The following MYO16 variants were observed in gnomAD, a reference collection of about 807,000 sequenced individuals.
The protein encoded by MYO16 is unconventional myosin-XVI.
A neutral mutation model predicts 205.3 loss-of-function variants in MYO16; 94 were observed. The ratio of observed to expected loss-of-function variants is 0.46; its 90% CI spans 0.39 to 0.54. The LOEUF (loss-of-function observed/expected upper bound fraction) is 0.54, where lower values mean the gene tolerates loss of function less well. Among genes scored for constraint, MYO16 ranks in the 20% least tolerant of loss-of-function variants. The pLI is 0.00. For missense variants in MYO16, 2,315 were observed against 2,387.5 expected (o/e 0.97, Z 0.63); for synonymous variants, 988 against 954.0 (o/e 1.04, Z -0.66).
chr13:109,047,063 A>G, intron 24 of MYO16, 72 bp downstream of exon 24: 2 of 1,155,072 alleles, frequency 1.7e-6, no homozygotes, highest in East Asian at 2.4e-5. Context: ...ATCTCTGAAT[A>G]TTTTCCTAGA....
chr13:108,670,042 T>C, intron 2 of MYO16, among the ~76,000 whole-genome samples: 1 of 152,334 alleles, frequency 6.6e-6, no homozygotes, highest in African/African-American at 2.4e-5. Flanking sequence ...TATACCTATG[T>C]AACAAACGTG....
At chr13:109,142,574 G>A (rs560360885) in intron 32 of MYO16, among the ~76,000 whole-genome samples, 3 of 152,248 alleles carry the variant, frequency 2.0e-5, no homozygotes, top group African/African-American at 7.2e-5. Context: ...ATGGGAAATT[G>A]GCTGTCCGCA....
chr13:108,501,223 T>G, the MYO16 span, among the ~76,000 whole-genome samples: 1 of 152,170 alleles, frequency 6.6e-6, no homozygotes, highest in Non-Finnish European at 1.5e-5. Context: ...GTGTCTGGAT[T>G]GGGTTGGTGT....
chr13:108,671,929 G>A (rs1882006067), intron 2 of MYO16, among the ~76,000 whole-genome samples: 1 of 152,082 alleles, frequency 6.6e-6, no homozygotes, highest in Non-Finnish European at 1.5e-5. Flanking sequence ...ATGAGGGTTA[G>A]GGCTTCTACA....
chr13:108,696,343 C>T (rs1186530624), intron 2 of MYO16, among the ~76,000 whole-genome samples: 1 of 152,052 alleles, frequency 6.6e-6, no homozygotes, highest in Non-Finnish European at 1.5e-5. Context: ...AAATGTCTAC[C>T]AATGGGGAAT....
intron 33 of MYO16, among the ~76,000 whole-genome samples, chr13:109,173,459 A>G (rs1879000510): frequency 6.6e-6 from 1 of 152,208 alleles, no homozygotes; most frequent in Non-Finnish European, 1.5e-5. Context: ...TAATTCAGAA[A>G]AGAAAGGAGC....
At chr13:108,863,267 T>G (rs1027430363) in intron 11 of MYO16, among the ~76,000 whole-genome samples, 19 of 152,116 alleles carry the variant, frequency 1.2e-4, no homozygotes, top group African/African-American at 3.9e-4. Context: ...CCCTATCCAT[T>G]GCCAATCCCA....
At chr13:109,168,657 G>A (rs987765235) in intron 33 of MYO16, among the ~76,000 whole-genome samples, 4 of 152,220 alleles carry the variant, frequency 2.6e-5, no homozygotes, top group South Asian at 2.1e-4. Flanking sequence ...CCCAGGAGGC[G>A]GAGTTTGCAG....
chr13:109,109,116 A>C (rs891858967), intron 28 of MYO16, among the ~76,000 whole-genome samples: 7 of 152,180 alleles, frequency 4.6e-5, no homozygotes, highest in African/African-American at 1.7e-4. Context: ...GGCCCCTAAC[A>C]ACTACTGAAA....
intron 4 of MYO16, among the ~76,000 whole-genome samples, chr13:108,763,280 T>G (rs2139660948): frequency 6.6e-6 from 1 of 152,320 alleles, no homozygotes; most frequent in African/African-American, 2.4e-5. Context: ...TACAAATATT[T>G]TTATGCATGT....
chr13:108,933,689 A>G (rs570344835), intron 16 of MYO16, among the ~76,000 whole-genome samples: 1 of 152,176 alleles, frequency 6.6e-6, no homozygotes, highest in East Asian at 1.9e-4. Flanking sequence ...GGTACGAATG[A>G]TCCCTTTACC....
chr13:108,560,483 C>T, the MYO16 span, among the ~76,000 whole-genome samples: 9 of 152,238 alleles, frequency 5.9e-5, no homozygotes, highest in African/African-American at 1.7e-4. Context: ...TTTGGATATT[C>T]CAGTAAAAGG....
the MYO16 span, among the ~76,000 whole-genome samples, chr13:108,538,716 T>C: frequency 6.6e-6 from 1 of 152,090 alleles, no homozygotes; most frequent in African/African-American, 2.4e-5. Flanking sequence ...AGACAACAGA[T>C]GCTCTTTTTA....
intron 11 of MYO16, among the ~76,000 whole-genome samples, chr13:108,857,933 C>T (rs196159): frequency 0.46 from 70,424 of 152,020 alleles, 16,595 homozygotes; most frequent in Non-Finnish European, 0.5. Flanking sequence ...TGCCACTGTG[C>T]GAGGCACGGG....
At chr13:109,146,890 TTAAATAATATA>T (rs1303062603) in intron 32 of MYO16, among the ~76,000 whole-genome samples, 1 of 151,472 alleles carries the variant, frequency 6.6e-6, no homozygotes, top group African/African-American at 2.4e-5. Context: ...GTCAAACCAT[TTAAATAATATA>T]TATTTAAATA....
intron 4 of MYO16, among the ~76,000 whole-genome samples, chr13:108,773,210 G>A (rs890705955): frequency 1.3e-5 from 2 of 152,104 alleles, no homozygotes; most frequent in African/African-American, 4.8e-5. Context: ...CATAATCCTG[G>A]AAGTTAAAAT....
intron 9 of MYO16, among the ~76,000 whole-genome samples, chr13:108,840,144 CTA>C (rs1268361901): frequency 1.3e-5 from 2 of 152,142 alleles, no homozygotes; most frequent in Non-Finnish European, 2.9e-5. Context: ...CTGTACCATG[CTA>C]TCTCATGTTA....
chr13:108,994,213 T>G (rs1884929861), intron 21 of MYO16, among the ~76,000 whole-genome samples: 1 of 152,112 alleles, frequency 6.6e-6, no homozygotes, highest in African/African-American at 2.4e-5. Flanking sequence ...TTTTCACATC[T>G]AAAGAGCCAG....
intron 21 of MYO16, among the ~76,000 whole-genome samples, chr13:109,004,799 A>G (rs1885336479): frequency 6.6e-6 from 1 of 152,140 alleles, no homozygotes; most frequent in South Asian, 2.1e-4. Context: ...TTAGATACTG[A>G]ATGCCACTCC....
Sources: gnomAD v4.1 joint callset for allele counts (sites outside exome capture counted in the v4.1 genomes callset) on GRCh38, gnomAD v4.1.1 for gene constraint, MANE v1.5 for transcripts, NCBI Gene and HGNC (gene_info 2026-07-23, HGNC 2026-07-21) for gene names.